ADGRL3: variants seen among roughly 807,000 people sequenced by gnomAD.
ADGRL3 encodes calcium-independent alpha-latrotoxin receptor 3.
A neutral mutation model predicts 153.5 loss-of-function variants in ADGRL3; 62 were observed. The ratio of observed to expected loss-of-function variants is 0.40; its 90% confidence interval spans 0.33 to 0.50. The LOEUF (loss-of-function observed/expected upper bound fraction) is 0.50, where lower values mean the gene tolerates loss of function less well. ADGRL3 is among the 20% of genes least tolerant of loss of function. ADGRL3 has a pLI of 0.47. For synonymous variants in ADGRL3, 710 were observed against 672.5 expected (o/e 1.06, Z -0.86); for missense variants, 1,641 against 1,859.4 (o/e 0.88, Z 2.16).
chr4:62,041,799 T>C (rs1253884156), intron 24 of ADGRL3, among the ~76,000 whole-genome samples: 1 of 152,096 alleles, frequency 6.6e-6, no homozygotes, highest in Non-Finnish European at 1.5e-5. Flanking sequence ...CTGTGCAATA[T>C]ACTATATACT....
At chr4:61,508,500 A>G in intron 3 of ADGRL3, among the ~76,000 whole-genome samples, 1 of 152,232 alleles carries the variant, frequency 6.6e-6, no homozygotes. Context: ...TTATAAATAC[A>G]GAGGTTTTTA....
At chr4:61,621,345 C>G (rs2092497600) in intron 5 of ADGRL3, among the ~76,000 whole-genome samples, 2 of 151,900 alleles carry the variant, frequency 1.3e-5, no homozygotes, top group African/African-American at 2.4e-5. Context: ...GTGATAAATA[C>G]AACAATAGCA....
At chr4:61,884,531 T>A (rs2098526172) in intron 9 of ADGRL3, among the ~76,000 whole-genome samples, 1 of 152,174 alleles carries the variant, frequency 6.6e-6, no homozygotes, top group Non-Finnish European at 1.5e-5. Context: ...CTTAGGGGAT[T>A]TAAACTGCCG....
At chr4:61,503,711 TA>T (rs928402023) in intron 3 of ADGRL3, among the ~76,000 whole-genome samples, 1 of 152,124 alleles carries the variant, frequency 6.6e-6, no homozygotes, top group African/African-American at 2.4e-5. Flanking sequence ...CAATTTTAAG[TA>T]AAAATTTCAA....
At chr4:61,483,847 A>C (rs2098160051) in intron 2 of ADGRL3, among the ~76,000 whole-genome samples, 4 of 150,690 alleles carry the variant, frequency 2.7e-5, no homozygotes. Context: ...TTATATGTAC[A>C]TTTATATAAA....
chr4:61,632,502 T>C (rs1440362660), intron 5 of ADGRL3, among the ~76,000 whole-genome samples: 1 of 152,180 alleles, frequency 6.6e-6, no homozygotes, highest in Non-Finnish European at 1.5e-5. Context: ...TTAGGAAAAG[T>C]CTTTGTTCAG....
At chr4:62,057,878 C>T (rs1737930072) in intron 25 of ADGRL3, among the ~76,000 whole-genome samples, 1 of 152,214 alleles carries the variant, frequency 6.6e-6, no homozygotes, top group East Asian at 1.9e-4. Context: ...AGGATTTCAC[C>T]ATGCTGGCCA....
At chr4:61,819,336 C>T (rs889701667) in intron 9 of ADGRL3, among the ~76,000 whole-genome samples, 1 of 151,986 alleles carries the variant, frequency 6.6e-6, no homozygotes, top group African/African-American at 2.4e-5. Flanking sequence ...TAGCAATATC[C>T]TTTGAATTGC....
rs868487566 is a variant in ADGRL3, at chr4:61,951,133, A to G, written c.2805+2857A>G. Among the ~76,000 whole-genome samples, 9 of 152,292 alleles carry G rather than the reference A, an allele frequency of 5.9e-5. No individual in the cohort carries two copies. In the South Asian group the frequency reaches 1.0e-3, roughly 18 times the overall value. On this transcript the variant is annotated intron_variant, in intron 17 of 26. Transcript: ENST00000683033. ...CAATGTGGAAATTTAGATGGGCTTAACATCTGCAGGCTCAGAGTACGAGTC... is the reference window on the plus strand; with the variant it reads ...CAATGTGGAAATTTAGATGGGCTTAGCATCTGCAGGCTCAGAGTACGAGTC...
chr4:61,378,150 A>G (rs774270592), intron 1 of ADGRL3, among the ~76,000 whole-genome samples: 9 of 152,016 alleles, frequency 5.9e-5, no homozygotes, highest in Non-Finnish European at 1.0e-4. Context: ...GAAAATTCCC[A>G]AGCAAAATGA....
chr4:61,696,805 A>G (rs1407841585), intron 6 of ADGRL3, among the ~76,000 whole-genome samples: 1 of 150,878 alleles, frequency 6.6e-6, no homozygotes, highest in Non-Finnish European at 1.5e-5. Flanking sequence ...CCTCCCAAGT[A>G]GCTTGGATTA....
chr4:61,630,181 A>G (rs1468264930), intron 5 of ADGRL3, among the ~76,000 whole-genome samples: 7 of 152,166 alleles, frequency 4.6e-5, no homozygotes, highest in African/African-American at 1.4e-4. Flanking sequence ...AACTGAATTG[A>G]CCATTAAATT....
intron 6 of ADGRL3, among the ~76,000 whole-genome samples, chr4:61,685,650 G>C (rs1314509856): frequency 6.6e-6 from 1 of 152,116 alleles, no homozygotes; most frequent in Non-Finnish European, 1.5e-5. Context: ...TAGAAAGACA[G>C]TGTGGCCAAA....
chr4:61,782,650 C>T (rs749785855), intron 8 of ADGRL3, among the ~76,000 whole-genome samples: 4 of 152,052 alleles, frequency 2.6e-5, no homozygotes, highest in African/African-American at 4.8e-5. Flanking sequence ...TGTTTTTTCC[C>T]TCTTAACCTA....
chr4:61,265,262 G>A (rs999929498), intron 1 of ADGRL3, among the ~76,000 whole-genome samples: 14 of 151,830 alleles, frequency 9.2e-5, no homozygotes, highest in Admixed American at 2.6e-4. Flanking sequence ...GTTTCAATAC[G>A]TGAAGCTTTG....
chr4:61,646,557 G>C (rs7681075), intron 5 of ADGRL3, among the ~76,000 whole-genome samples: 2 of 147,998 alleles, frequency 1.4e-5, no homozygotes, highest in East Asian at 1.9e-4. Flanking sequence ...CAGTCTGCCC[G>C]TACTGAGGGG....
chr4:61,314,607 G>T (rs965362772), intron 1 of ADGRL3, among the ~76,000 whole-genome samples: 2 of 152,166 alleles, frequency 1.3e-5, no homozygotes, highest in African/African-American at 4.8e-5. Flanking sequence ...TTGCTGGCTC[G>T]TTGAAAAGTT....
intron 13 of ADGRL3, among the ~76,000 whole-genome samples, chr4:61,917,736 A>T (rs1271871660): frequency 2.7e-5 from 4 of 148,522 alleles, no homozygotes; most frequent in African/African-American, 1.1e-4. Context: ...TATTTGAGCA[A>T]AACTCAGAAG....
chr4:61,945,737 G>T (rs1439461134), intron 15 of ADGRL3, among the ~76,000 whole-genome samples: 1 of 151,510 alleles, frequency 6.6e-6, no homozygotes, highest in African/African-American at 2.4e-5. Flanking sequence ...ACTCTGAAAG[G>T]GAACTCCCTG....
Sources: gnomAD v4.1 joint callset for allele counts (sites outside exome capture counted in the v4.1 genomes callset) on GRCh38, gnomAD v4.1.1 for gene constraint, MANE v1.5 for transcripts, NCBI Gene and HGNC (gene_info 2026-07-23, HGNC 2026-07-21) for gene names.